The following DOCK2 variants were observed in gnomAD, a reference collection of about 807,000 sequenced individuals.
DOCK2 encodes the protein dedicator of cytokinesis 2.
DOCK2 carries 87 observed loss-of-function variants against 248.9 expected under a neutral mutation model. That is an observed-to-expected ratio of 0.35 (90% CI 0.29 to 0.42). The LOEUF is 0.42. Ranked by LOEUF, DOCK2 falls within the 10% of genes least tolerant of loss-of-function variation. The pLI, the probability that DOCK2 is intolerant of heterozygous loss-of-function variation, is 1.00. For missense variants in DOCK2, 1,747 were observed against 2,300.2 expected (o/e 0.76, Z 4.92); for synonymous variants, 805 against 821.6 (o/e 0.98, Z 0.35).
At chr5:169,774,446 G>A (rs1176923195) in intron 25 of DOCK2, among the ~76,000 whole-genome samples, 1 of 152,134 alleles carries the variant, frequency 6.6e-6, no homozygotes, top group Non-Finnish European at 1.5e-5. Flanking sequence ...AGTTAAGGAG[G>A]TTTTAAAACT....
intron 28 of DOCK2, 124 bp downstream of exon 28, chr5:169,983,290 T>G: frequency 9.9e-7 from 1 of 1,010,786 alleles, no homozygotes; most frequent in Middle Eastern, 2.1e-4. Context: ...CAATATTTGT[T>G]GATGAATCAC....
chr5:169,654,737 A>T (rs546901899), intron 2 of DOCK2, among the ~76,000 whole-genome samples: 1 of 152,340 alleles, frequency 6.6e-6, no homozygotes, highest in South Asian at 2.1e-4. Context: ...CCATGGGGCT[A>T]TTCAGCCTGT....
chr5:170,054,855 G>C lies in DOCK2; in HGVS notation c.4214-450G>C, dbSNP rs540677663. 7.2e-5 allele frequency among the ~76,000 whole-genome samples: 11 copies of C among 152,282 alleles called. No homozygotes were observed. The East Asian group carries it at 1.9e-3, about 27-fold the overall frequency. Reference sequence around the variant, plus strand: ...AAGACCTAAATACAAACTCGGATCTGTTCTTACAAGTTGTGTGACCTTCAA... The same window carrying C: ...AAGACCTAAATACAAACTCGGATCTCTTCTTACAAGTTGTGTGACCTTCAA... On this transcript the variant is annotated intron_variant, in intron 41 of 51. Transcript: ENST00000520908.
intron 27 of DOCK2, among the ~76,000 whole-genome samples, chr5:169,895,182 T>A (rs1773527413): frequency 6.6e-6 from 1 of 152,220 alleles, no homozygotes; most frequent in African/African-American, 2.4e-5. Flanking sequence ...GTTTGCCTAA[T>A]GACAAAGGAT....
chr5:170,036,027 G>C (rs1385351115), intron 35 of DOCK2, among the ~76,000 whole-genome samples: 1 of 152,140 alleles, frequency 6.6e-6, no homozygotes, highest in Admixed American at 6.5e-5. Context: ...ATGTTTTGGC[G>C]ACAGAATCCC....
intron 15 of DOCK2, 47 bp from the exon 16 acceptor site, chr5:169,711,888 G>C (rs1263301774): frequency 6.2e-7 from 1 of 1,606,734 alleles, no homozygotes; most frequent in Non-Finnish European, 8.5e-7. Context: ...GCAGTGGGGA[G>C]GGCCCTTTAA....
chr5:169,662,371 C>T (rs1451871159), intron 2 of DOCK2, among the ~76,000 whole-genome samples: 1 of 152,140 alleles, frequency 6.6e-6, no homozygotes, highest in African/African-American at 2.4e-5. Flanking sequence ...AACCCCTTAT[C>T]AGATGTATAG....
chr5:169,670,024 G>A (rs1357845980), intron 3 of DOCK2, among the ~76,000 whole-genome samples: 2 of 152,214 alleles, frequency 1.3e-5, no homozygotes, highest in Non-Finnish European at 1.5e-5. Flanking sequence ...TGGAATAAAT[G>A]CAGGCAGAAT....
intron 1 of DOCK2, among the ~76,000 whole-genome samples, chr5:169,643,476 A>G (rs1423491674): frequency 2.6e-5 from 4 of 152,124 alleles, no homozygotes; most frequent in Non-Finnish European, 4.4e-5. Flanking sequence ...ATGAGGCATT[A>G]ATTAGATTCT....
chr5:169,756,083 C>T (rs1044156535), intron 23 of DOCK2, among the ~76,000 whole-genome samples: 12 of 152,238 alleles, frequency 7.9e-5, no homozygotes, highest in African/African-American at 2.9e-4. Flanking sequence ...AAATTTAATA[C>T]TCCCCTGTCA....
At chr5:169,831,664 A>G (rs1769236123) in intron 26 of DOCK2, among the ~76,000 whole-genome samples, 1 of 152,196 alleles carries the variant, frequency 6.6e-6, no homozygotes, top group African/African-American at 2.4e-5. Context: ...CCCATTTTAT[A>G]TGTGCTTGCA....
intron 35 of DOCK2, among the ~76,000 whole-genome samples, chr5:170,035,022 G>A (rs774077971): frequency 7.2e-5 from 11 of 152,298 alleles, no homozygotes; most frequent in Middle Eastern, 3.4e-3. Context: ...TGCTCACTAC[G>A]TATTAGTTTC....
intron 26 of DOCK2, among the ~76,000 whole-genome samples, chr5:169,818,627 T>A (rs561582918): frequency 1.3e-5 from 2 of 152,220 alleles, no homozygotes; most frequent in Non-Finnish European, 2.9e-5. Flanking sequence ...TAATTAATGA[T>A]GTCTCTTTTT....
In DOCK2 at chr5:169,780,464, G is replaced by A. The variant is rs187871186; in HGVS notation, c.2554+18839G>A. On this transcript the variant is annotated intron_variant, in intron 25 of 51. Transcript: ENST00000520908. ...GGGCCTTGTGTGCTGGCAGCTTCTG[G>A]GCAGGTTGACGGTTTCCTCCCTGTT... is the stretch of plus-strand genomic sequence containing the variant. Among the ~76,000 whole-genome samples, 9 of 152,226 alleles carry A rather than the reference G, an allele frequency of 5.9e-5. No individual in the cohort carries two copies. The East Asian group carries it at 1.7e-3, about 29-fold the overall frequency.
intron 27 of DOCK2, chr5:169,934,935 A>G (rs775207010): frequency 3.0e-6 from 1 of 330,210 alleles, no homozygotes; most frequent in South Asian, 2.5e-5. Flanking sequence ...AAAGTAGTAT[A>G]GAAAGTGATT....
At chr5:169,679,420 A>G (rs974415657) in intron 6 of DOCK2, among the ~76,000 whole-genome samples, 4 of 152,150 alleles carry the variant, frequency 2.6e-5, no homozygotes, top group African/African-American at 9.7e-5. Flanking sequence ...CCCCTGGGCC[A>G]TGAGAGTCCT....
intron 27 of DOCK2, among the ~76,000 whole-genome samples, chr5:169,957,385 T>C (rs1776913430): frequency 6.6e-6 from 1 of 152,236 alleles, no homozygotes; most frequent in South Asian, 2.1e-4. Flanking sequence ...CTTAGCACAT[T>C]GTTTAGAACG....
At chr5:169,965,333 C>T (rs1361688152) in intron 27 of DOCK2, among the ~76,000 whole-genome samples, 1 of 152,224 alleles carries the variant, frequency 6.6e-6, no homozygotes, top group South Asian at 2.1e-4. Context: ...GATGCTAATG[C>T]TGCTGGTCCA....
At chr5:170,057,898 C>T (rs1180989839) in intron 44 of DOCK2, among the ~76,000 whole-genome samples, 3 of 151,926 alleles carry the variant, frequency 2.0e-5, no homozygotes, top group African/African-American at 7.3e-5. Context: ...TCCATGGCCT[C>T]CAGTAATAAA....
Sources: gnomAD v4.1 joint callset for allele counts (sites outside exome capture counted in the v4.1 genomes callset) on GRCh38, gnomAD v4.1.1 for gene constraint, MANE v1.5 for transcripts, NCBI Gene and HGNC (gene_info 2026-07-23, HGNC 2026-07-21) for gene names.